Variants in TFDP2 observed in about 807,000 individuals in gnomAD.
TFDP2 encodes transcription factor Dp-2 (E2F dimerization partner 2).
In TFDP2, 17 loss-of-function variants were observed where a neutral mutation model predicts 59.3. The observed-to-expected ratio is 0.29, with a 90% CI of 0.20 to 0.43. TFDP2 has a LOEUF of 0.43. Among genes scored for constraint, TFDP2 ranks in the 20% least tolerant of loss-of-function variants. TFDP2 has a pLI of 1.00. For missense variants in TFDP2, 391 were observed against 528.8 expected (o/e 0.74, Z 2.56); for synonymous variants, 180 against 194.7 (o/e 0.92, Z 0.63).
intron 3 of TFDP2, among the ~76,000 whole-genome samples, chr3:142,025,869 A>G (rs779918468): frequency 2.3e-4 from 35 of 152,018 alleles, no homozygotes; most frequent in Admixed American, 1.0e-3. Context: ...GGGGCTGAGG[A>G]AGGAGAATCG....
intron 1 of TFDP2, among the ~76,000 whole-genome samples, chr3:142,131,902 A>G (rs2062520246): frequency 6.8e-6 from 1 of 146,604 alleles, no homozygotes; most frequent in Admixed American, 6.8e-5. Context: ...GCTACTCGGG[A>G]GGCTGAGGTG....
At position 141,963,897 on chromosome 3, in the gene TFDP2, C is replaced by A. The variant is rs1025563115; in HGVS notation, c.799G>T (p.Ala267Ser). The change falls in exon 10 of 13, where the codon GCT becomes TCT. Residue 267 changes from alanine (A) to serine (S), a missense_variant. Around this residue, in one of 3 missense-constraint regions of TFDP2, gnomAD observed 223 missense variants for 292.5 expected, o/e 0.76. Transcript: ENST00000489671. ...QNEQQNQGPP[A>S]LNSTIQLPFI... Reference sequence around the variant, plus strand: ...GGCAGCTGAATGGTAGAGTTCAGAGCCGGCGGGCCCTGGTTTTGCTGCTCA... The same window carrying A: ...GGCAGCTGAATGGTAGAGTTCAGAGACGGCGGGCCCTGGTTTTGCTGCTCA... 27 of 1,613,518 alleles carry A rather than the reference C, an allele frequency of 1.7e-5. No homozygotes were observed. The highest frequency in any genetic ancestry group is 3.3e-4 in the Middle Eastern group (2 of 6,084).
At chr3:141,963,999 G>A (rs1576472958) in intron 9 of TFDP2, 36 bp from the exon 10 acceptor site, 1 of 1,575,230 alleles carries the variant, frequency 6.3e-7, no homozygotes, top group East Asian at 2.2e-5. Context: ...GGTCAATTGT[G>A]CATAAGTGAG....
intron 3 of TFDP2, among the ~76,000 whole-genome samples, chr3:142,023,364 T>C (rs1403509990): frequency 2.0e-5 from 3 of 151,258 alleles, no homozygotes; most frequent in African/African-American, 4.8e-5. Flanking sequence ...TTTTTTCTTG[T>C]ATTTTTAGTA....
At chr3:141,996,401 A>G (rs1943276640) in intron 4 of TFDP2, among the ~76,000 whole-genome samples, 1 of 152,228 alleles carries the variant, frequency 6.6e-6, no homozygotes, top group Admixed American at 6.5e-5. Flanking sequence ...GAAAGTGTTC[A>G]TGATAGTAAG....
At chr3:141,998,356 C>T (rs1438639517) in intron 4 of TFDP2, among the ~76,000 whole-genome samples, 2 of 152,044 alleles carry the variant, frequency 1.3e-5, no homozygotes, top group African/African-American at 4.8e-5. Flanking sequence ...CTATAATCCC[C>T]GCACTTTGGG....
chr3:141,970,118 T>C lies in TFDP2; in HGVS notation c.687A>G (p.Glu229=). Residue 229 remains glutamate, a synonymous_variant, in exon 9 of 13, where the codon GAA becomes GAG. Coordinates refer to ENST00000489671, the MANE Select transcript of TFDP2 (RefSeq NM_001178139.2). ...NLEIEKQRRI[E]RIKQKRAQLQ... ...GCTGGGCCCGCTTCTGCTTTATCCG[T>C]TCTATCCGCCTCTGCTTCTCTATCT... The C allele has an allele frequency of 6.2e-7, 1 of 1,614,214 alleles. No individual in the cohort carries two copies. The highest frequency in any genetic ancestry group is 8.5e-7 in the Non-Finnish European group (1 of 1,180,020).
At position 142,121,370 on chromosome 3, in the gene TFDP2, G is replaced by A. The variant is rs1316587738; in HGVS notation, c.-92-19529C>T. On this transcript the variant is annotated intron_variant, in intron 1 of 12. Coordinates refer to ENST00000489671, the MANE Select transcript of TFDP2 (RefSeq NM_001178139.2). The surrounding 1 kb of genome is among the most constrained non-coding windows in gnomAD (Gnocchi z 4.3). ...AACATGCTAAAATACTACGACACTA[G>A]ACAGATATTCGGGGCACTATGGAAG... Among the ~76,000 whole-genome samples the A allele has an allele frequency of 2.0e-5, 3 of 152,054 alleles. No homozygotes were observed. The highest frequency in any genetic ancestry group is 7.2e-5 in the African/African-American group (3 of 41,396).
intron 3 of TFDP2, among the ~76,000 whole-genome samples, chr3:142,009,218 C>T (rs562542333): frequency 1.3e-5 from 2 of 152,136 alleles, no homozygotes; most frequent in Non-Finnish European, 2.9e-5. Context: ...AAAGTATTAC[C>T]TTTCCTAATC....
At chr3:141,992,557 T>A (rs1942887014) in intron 6 of TFDP2, among the ~76,000 whole-genome samples, 1 of 152,200 alleles carries the variant, frequency 6.6e-6, no homozygotes, top group African/African-American at 2.4e-5. Flanking sequence ...TAAACACCAG[T>A]AAAGACCAGT....
At chr3:142,050,437 T>C (rs954257063) in intron 3 of TFDP2, among the ~76,000 whole-genome samples, 3 of 152,162 alleles carry the variant, frequency 2.0e-5, no homozygotes, top group Admixed American at 1.3e-4. Context: ...GGCTCACGCC[T>C]GTAATCCCAG....
chr3:142,056,134 A>G (rs550672019), intron 3 of TFDP2, among the ~76,000 whole-genome samples: 18 of 151,210 alleles, frequency 1.2e-4, no homozygotes, highest in Non-Finnish European at 2.4e-4. Flanking sequence ...TTGTATTTTT[A>G]GTAGAGATGG....
At chr3:142,011,344 A>C (rs1944664066) in intron 3 of TFDP2, among the ~76,000 whole-genome samples, 1 of 136,594 alleles carries the variant, frequency 7.3e-6, no homozygotes, top group Admixed American at 7.6e-5. Flanking sequence ...GCAAGAACAA[A>C]AAACCAAACA....
chr3:142,062,348 T>C lies in TFDP2; in HGVS notation c.82+30713A>G, dbSNP rs151208434. On this transcript the variant is annotated intron_variant, in intron 3 of 12. Coordinates refer to ENST00000489671, the MANE Select transcript of TFDP2 (RefSeq NM_001178139.2). ...GGAGGTCAGTGCCCCAACCACTGCG[T>C]TGTTCAAGGGTCAGCTGTATATATA... is the stretch of plus-strand genomic sequence containing the variant. Among the ~76,000 whole-genome samples the C allele has an allele frequency of 1.4e-3, 211 of 150,754 alleles. 1 individual carries two copies. Among genetic ancestry groups the C allele is most frequent in the Admixed American group, 5.5e-3 (83 of 15,034 alleles).
intron 3 of TFDP2, among the ~76,000 whole-genome samples, chr3:142,023,316 C>G (rs1416501417): frequency 6.6e-6 from 1 of 150,584 alleles, no homozygotes; most frequent in Non-Finnish European, 1.5e-5. Context: ...TCCTGAGTAG[C>G]TGGGATTATG....
chr3:142,080,693 C>G (rs1360510323), intron 3 of TFDP2, among the ~76,000 whole-genome samples: 1 of 152,104 alleles, frequency 6.6e-6, no homozygotes, highest in Non-Finnish European at 1.5e-5. Context: ...GCAGATGTAG[C>G]TATACTTGTA....
At chr3:142,059,568 C>A (rs572668688) in intron 3 of TFDP2, among the ~76,000 whole-genome samples, 1 of 151,792 alleles carries the variant, frequency 6.6e-6, no homozygotes, top group East Asian at 1.9e-4. Flanking sequence ...ATAGTGTCAC[C>A]GTTCTCTCCA....
At chr3:142,065,972 T>C (rs2060063088) in intron 3 of TFDP2, among the ~76,000 whole-genome samples, 1 of 152,084 alleles carries the variant, frequency 6.6e-6, no homozygotes, top group Non-Finnish European at 1.5e-5. Context: ...CTAAAACATA[T>C]AAGCTACTGA....
chr3:141,987,967 A>G (rs1236544661), intron 6 of TFDP2, among the ~76,000 whole-genome samples: 1 of 148,326 alleles, frequency 6.7e-6, no homozygotes, highest in Non-Finnish European at 1.5e-5. Context: ...AAAGAAAATG[A>G]CATTCTTCTC....
Sources: allele counts gnomAD v4.1 joint callset (sites outside exome capture counted in the v4.1 genomes callset), GRCh38; gene constraint gnomAD v4.1.1; regional missense constraint gnomAD v4.1.1; non-coding constraint Gnocchi (gnomAD v3.1); transcripts MANE v1.5; gene names NCBI Gene and HGNC (gene_info 2026-07-23, HGNC 2026-07-21).